Variants in LRBA observed in about 807,000 individuals in gnomAD.
The protein encoded by LRBA is lipopolysaccharide-responsive and beige-like anchor protein.
LRBA carries 176 observed loss-of-function variants against 330.0 expected under a neutral mutation model. That is an observed-to-expected ratio of 0.53 (90% CI 0.47 to 0.60). The LOEUF (loss-of-function observed/expected upper bound fraction) is 0.60. LRBA is among the 20% of genes least tolerant of loss of function. LRBA has a pLI of 0.00. For synonymous variants in LRBA, 1,230 were observed against 1,193.0 expected (o/e 1.03, Z -0.64); for missense variants, 3,259 against 3,444.8 (o/e 0.95, Z 1.35).
rs528357237 is a variant in LRBA, at chr4:150,386,864, T to C, written c.7194+28574A>G. 6.6e-5 allele frequency among the ~76,000 whole-genome samples: 10 copies of C among 152,342 alleles called. No individual in the cohort carries two copies. In the East Asian group the frequency reaches 1.9e-3, roughly 29 times the overall value. On this transcript the variant is annotated intron_variant, in intron 47 of 56. Transcript: ENST00000651943. ...ATACTGTCTTCAACAATGGTTGAAC[T>C]AATTTATACTCCTACCAACAGTGTA...
chr4:150,460,959 G>A (rs1369219191), intron 44 of LRBA, among the ~76,000 whole-genome samples: 1 of 151,660 alleles, frequency 6.6e-6, no homozygotes, highest in Non-Finnish European at 1.5e-5. Context: ...GCAGTCCATG[G>A]CATATTACAG....
At chr4:150,903,851 C>T (rs1219830055) in intron 13 of LRBA, among the ~76,000 whole-genome samples, 1 of 152,186 alleles carries the variant, frequency 6.6e-6, no homozygotes, top group Non-Finnish European at 1.5e-5. Context: ...AATAGCCACA[C>T]AAATTGTGTG....
intron 5 of LRBA, among the ~76,000 whole-genome samples, chr4:150,919,073 A>G (rs534442502): frequency 2.6e-5 from 4 of 152,224 alleles, no homozygotes; most frequent in Non-Finnish European, 5.9e-5. Flanking sequence ...ACCAGCCATA[A>G]AAAGGAATGA....
intron 11 of LRBA, 119 bp downstream of exon 11, chr4:150,908,215 T>A: frequency 1.1e-6 from 1 of 943,986 alleles, no homozygotes; most frequent in African/African-American, 1.7e-5. Flanking sequence ...ATACAGTTTA[T>A]AGTTCACAAG....
At chr4:150,523,839 C>T (rs932576801) in intron 40 of LRBA, among the ~76,000 whole-genome samples, 1 of 152,084 alleles carries the variant, frequency 6.6e-6, no homozygotes, top group South Asian at 2.1e-4. Flanking sequence ...TCCATCTATA[C>T]ACAAATACAT....
chr4:150,980,668 A>G (rs1446897298), intron 2 of LRBA, among the ~76,000 whole-genome samples: 1 of 152,142 alleles, frequency 6.6e-6, no homozygotes, highest in Non-Finnish European at 1.5e-5. Flanking sequence ...GGGGAAGGGG[A>G]ATCCAAATTG....
intron 2 of LRBA, among the ~76,000 whole-genome samples, chr4:151,004,519 G>T (rs1387248419): frequency 6.6e-6 from 1 of 152,130 alleles, no homozygotes; most frequent in Non-Finnish European, 1.5e-5. Flanking sequence ...CTTACTAATG[G>T]TTTATTTCTG....
In LRBA at chr4:150,895,895, C is replaced by T. The variant is rs779022516; in HGVS notation, c.2067+499G>A. Among the ~76,000 whole-genome samples the T allele has an allele frequency of 1.8e-4, 27 of 152,284 alleles. 1 individual carries two copies. The highest frequency in any genetic ancestry group is 3.1e-4 in the Non-Finnish European group (21 of 68,026). ...CAATGGTTGAACTACTTTACAGTCC[C>T]ACCAACAGTGTAAAAGTGTTCCTAT... On this transcript the variant is annotated intron_variant, in intron 16 of 56. Transcript: ENST00000651943.
At chr4:150,597,160 T>C (rs767130142) in intron 38 of LRBA, 1 of 943,804 alleles carries the variant, frequency 1.1e-6, no homozygotes, top group Admixed American at 2.3e-5. Flanking sequence ...TCAATTACTA[T>C]CGAGAGTAAT....
intron 53 of LRBA, among the ~76,000 whole-genome samples, chr4:150,297,982 T>TA: frequency 6.6e-6 from 1 of 152,136 alleles, no homozygotes; most frequent in Non-Finnish European, 1.5e-5. Context: ...CACAGGCAAT[T>TA]AAAAACAAAG....
chr4:150,444,874 T>C (rs1314920069), intron 44 of LRBA, among the ~76,000 whole-genome samples: 1 of 152,222 alleles, frequency 6.6e-6, no homozygotes, highest in Non-Finnish European at 1.5e-5. Context: ...TTCATAGTTC[T>C]ATGTTATTCA....
chr4:150,657,870 T>C (rs1780370704), intron 37 of LRBA, among the ~76,000 whole-genome samples: 1 of 152,196 alleles, frequency 6.6e-6, no homozygotes, highest in East Asian at 1.9e-4. Context: ...GTTATTTTCT[T>C]AATAATTTTA....
intron 56 of LRBA, among the ~76,000 whole-genome samples, chr4:150,274,075 C>G (rs57529227): frequency 0.09 from 13,681 of 152,184 alleles, 912 homozygotes; most frequent in South Asian, 0.23. Context: ...CACTCCTCAG[C>G]AAATGCAAAA....
At chr4:150,955,903 TAATA>T (rs1427224658) in intron 2 of LRBA, among the ~76,000 whole-genome samples, 1 of 148,230 alleles carries the variant, frequency 6.7e-6, no homozygotes, top group Non-Finnish European at 1.5e-5. Context: ...AAAATAATAA[TAATA>T]ATGTAGCCTT....
chr4:150,798,255 C>A, intron 33 of LRBA, 113 bp from the exon 34 acceptor site: 1 of 646,252 alleles, frequency 1.5e-6, no homozygotes, highest in Non-Finnish European at 2.8e-6. Context: ...TAATAGTGCA[C>A]ATTTAATCAC....
Position 150,443,883 on chromosome 4 carries a change from T to A in LRBA, c.6781-7019A>T, listed in dbSNP as rs1291167546. ...ATATATATATATATATTTTTTTTTT[T>A]TTTTTTTTTTAAAGCCACCTCCAAC... is the stretch of plus-strand genomic sequence containing the variant. On this transcript the variant is annotated intron_variant, in intron 44 of 56. Transcript: ENST00000651943. Among the ~76,000 whole-genome samples, 713 of 124,998 alleles carry A rather than the reference T, an allele frequency of 5.7e-3. 3 individuals carry two copies. The highest frequency in any genetic ancestry group is 0.017 in the East Asian group (58 of 3,364). The allele number at this position is 124,998 out of a possible 152,430, so 82.0% of individuals were successfully genotyped here.
intron 40 of LRBA, among the ~76,000 whole-genome samples, chr4:150,559,846 AATAATATATAATTATAT>A (rs1157973341): frequency 1.5e-4 from 4 of 26,630 alleles, no homozygotes; most frequent in East Asian, 1.1e-3. Flanking sequence ...TAATATATAT[AATAATATATAATTATAT>A]ATAATATATA....
At chr4:150,317,248 A>G (rs1253680089) in intron 50 of LRBA, among the ~76,000 whole-genome samples, 1 of 152,158 alleles carries the variant, frequency 6.6e-6, no homozygotes, top group Non-Finnish European at 1.5e-5. Context: ...CTGTCTTACC[A>G]TAAGATTTTA....
intron 47 of LRBA, among the ~76,000 whole-genome samples, chr4:150,394,721 G>C (rs779840555): frequency 1.3e-5 from 2 of 152,150 alleles, no homozygotes; most frequent in East Asian, 1.9e-4. Flanking sequence ...CATGGCACAG[G>C]CTTCACTTGG....
Sources: allele counts gnomAD v4.1 joint callset (sites outside exome capture counted in the v4.1 genomes callset), GRCh38; gene constraint gnomAD v4.1.1; transcripts MANE v1.5; gene names NCBI Gene and HGNC (gene_info 2026-07-23, HGNC 2026-07-21).